The following AFG2A variants were observed in gnomAD, a reference collection of about 807,000 sequenced individuals.
AFG2A encodes the protein AAA ATPase AFG2A, also known as ATPase family gene 2 protein homolog A.
the AFG2A span, among the ~76,000 whole-genome samples, chr4:123,296,888 G>C: frequency 1.2e-4 from 18 of 152,184 alleles, no homozygotes; most frequent in African/African-American, 4.3e-4. Flanking sequence ...GAGCTGTTGT[G>C]AAAGATACTT....
At chr4:123,287,255 G>A in the AFG2A span, among the ~76,000 whole-genome samples, 2 of 152,162 alleles carry the variant, frequency 1.3e-5, no homozygotes, top group Admixed American at 1.3e-4. Flanking sequence ...AATCTCTACT[G>A]TTTTTATTTG....
the AFG2A span, among the ~76,000 whole-genome samples, chr4:122,980,916 T>C: frequency 6.6e-6 from 1 of 152,094 alleles, no homozygotes; most frequent in Non-Finnish European, 1.5e-5. Flanking sequence ...GCCCCTTACC[T>C]CATATATGGT....
the AFG2A span, among the ~76,000 whole-genome samples, chr4:123,190,667 C>T: frequency 1.3e-5 from 2 of 152,158 alleles, no homozygotes; most frequent in South Asian, 4.1e-4. Context: ...TTGACTAAGA[C>T]AGAAGGAGAT....
chr4:122,989,388 T>G, the AFG2A span, among the ~76,000 whole-genome samples: 8 of 152,106 alleles, frequency 5.3e-5, no homozygotes, highest in Non-Finnish European at 1.0e-4. Context: ...GAGGGCAGTC[T>G]TAGTGCTGGG....
At chr4:123,248,238 T>C in the AFG2A span, among the ~76,000 whole-genome samples, 1 of 152,212 alleles carries the variant, frequency 6.6e-6, no homozygotes, top group Non-Finnish European at 1.5e-5. Context: ...TTTTTCAATG[T>C]CCCAAAAGCT....
the AFG2A span, among the ~76,000 whole-genome samples, chr4:123,154,600 A>G: frequency 6.6e-6 from 1 of 152,214 alleles, no homozygotes; most frequent in Non-Finnish European, 1.5e-5. Context: ...TGAATTTTTG[A>G]AACAGTGAAT....
the AFG2A span, chr4:122,934,858 G>A: frequency 7.9e-7 from 1 of 1,273,460 alleles, no homozygotes; most frequent in African/African-American, 1.5e-5. Context: ...TAGTAGGTAT[G>A]GTAGAAGATT....
At chr4:122,966,455 T>C in the AFG2A span, among the ~76,000 whole-genome samples, 5 of 152,206 alleles carry the variant, frequency 3.3e-5, no homozygotes, top group African/African-American at 1.2e-4. Context: ...TATTATTCTA[T>C]AGGGCCTCCT....
the AFG2A span, among the ~76,000 whole-genome samples, chr4:123,232,196 T>C: frequency 6.6e-6 from 1 of 151,982 alleles, no homozygotes; most frequent in South Asian, 2.1e-4. Flanking sequence ...TGAGGTGTGC[T>C]TGTATTTATA....
chr4:123,106,432 T>C, the AFG2A span, among the ~76,000 whole-genome samples: 1 of 152,218 alleles, frequency 6.6e-6, no homozygotes, highest in Non-Finnish European at 1.5e-5. Flanking sequence ...GGTATGCCTG[T>C]ATTTGTCAGA....
chr4:123,260,634 G>C, the AFG2A span, among the ~76,000 whole-genome samples: 1 of 152,308 alleles, frequency 6.6e-6, no homozygotes, highest in Admixed American at 6.5e-5. Flanking sequence ...TCTTGTGATA[G>C]TATTCCCCAA....
chr4:123,227,093 TTC>T, the AFG2A span, among the ~76,000 whole-genome samples: 1 of 152,212 alleles, frequency 6.6e-6, no homozygotes, highest in South Asian at 2.1e-4. Flanking sequence ...TATTTGATTC[TTC>T]TCTCTTTTCT....
chr4:123,160,771 C>T, the AFG2A span, among the ~76,000 whole-genome samples: 1 of 152,144 alleles, frequency 6.6e-6, no homozygotes, highest in South Asian at 2.1e-4. Context: ...TCCAAGACCC[C>T]CAGTGGATGT....
At chr4:123,222,633 A>G in the AFG2A span, among the ~76,000 whole-genome samples, 3 of 152,216 alleles carry the variant, frequency 2.0e-5, no homozygotes, top group Non-Finnish European at 4.4e-5. Context: ...GTAGATGTGT[A>G]GAACTTAACT....
At chr4:123,156,429 A>T in the AFG2A span, among the ~76,000 whole-genome samples, 1 of 152,284 alleles carries the variant, frequency 6.6e-6, no homozygotes. Context: ...TTAGTACAAA[A>T]TTCCTAGATA....
the AFG2A span, among the ~76,000 whole-genome samples, chr4:123,065,932 C>T: frequency 1.3e-5 from 2 of 151,896 alleles, no homozygotes; most frequent in Non-Finnish European, 1.5e-5. Flanking sequence ...TGTTTTATGA[C>T]TAGAACATAA....
At chr4:123,281,987 T>A in the AFG2A span, among the ~76,000 whole-genome samples, 1 of 152,010 alleles carries the variant, frequency 6.6e-6, no homozygotes, top group Non-Finnish European at 1.5e-5. Flanking sequence ...GCAGTGTAAC[T>A]ACTGTATTCA....
the AFG2A span, among the ~76,000 whole-genome samples, chr4:123,128,812 C>T: frequency 6.6e-6 from 1 of 152,070 alleles, no homozygotes. Flanking sequence ...TCTTTTTCTT[C>T]TTCTTCTTTA....
At chr4:122,946,505 T>C in the AFG2A span, among the ~76,000 whole-genome samples, 1 of 152,250 alleles carries the variant, frequency 6.6e-6, no homozygotes, top group African/African-American at 2.4e-5. Flanking sequence ...TTGATTAGGT[T>C]TGAGCTTTTT....
Sources: allele counts gnomAD v4.1 joint callset (sites outside exome capture counted in the v4.1 genomes callset), GRCh38; gene constraint gnomAD v4.1.1; transcripts MANE v1.5; gene names NCBI Gene and HGNC (gene_info 2026-07-23, HGNC 2026-07-21).